Variants in LMAN2L observed in about 807,000 individuals in gnomAD.
LMAN2L encodes the protein lectin, mannose binding 2 like.
In LMAN2L, 30 loss-of-function variants were observed where a neutral mutation model predicts 44.3. The observed-to-expected ratio is 0.68, with a 90% CI of 0.51 to 0.92. The LOEUF (loss-of-function observed/expected upper bound fraction) is 0.92. Among genes scored for constraint, LMAN2L ranks in the 40% least tolerant of loss-of-function variants. The pLI is 0.00. For synonymous variants in LMAN2L, 183 were observed against 171.1 expected, an observed-to-expected ratio of 1.07 and a Z score of -0.54; for missense variants, 429 against 446.1, an observed-to-expected ratio of 0.96 and a Z score of 0.35.
At chr2:96,725,524 C>A (rs1490173053) in intron 4 of LMAN2L, among the ~76,000 whole-genome samples, 2 of 150,844 alleles carry the variant, frequency 1.3e-5, no homozygotes, top group East Asian at 4.0e-4. Context: ...CTCACTGCAA[C>A]CTCCACCTCC....
At chr2:96,733,320 A>C (rs185460460) in intron 4 of LMAN2L, among the ~76,000 whole-genome samples, 199 bp downstream of exon 4, 2 of 152,346 alleles carry the variant, frequency 1.3e-5, no homozygotes, top group Admixed American at 1.3e-4. Context: ...CCCCTGTTCA[A>C]GACAGCTATT....
chr2:96,725,228 C>T (rs976527470), intron 4 of LMAN2L, among the ~76,000 whole-genome samples: 2 of 151,834 alleles, frequency 1.3e-5, no homozygotes, highest in East Asian at 3.9e-4. Flanking sequence ...AAAATCCCTC[C>T]CCTGTTGGGA....
rs556186949 is a variant in LMAN2L at position 96,711,757 on chromosome 2, A to G, written c.683T>C (p.Ile228Thr). Residue 228 changes from isoleucine to threonine, a missense_variant, in exon 6 of 8, where the codon ATT (isoleucine) becomes ACT (threonine). Transcript: ENST00000264963. ...VKRHLTIMMDIDGKHEWRDCI... is the reference protein window; with the variant it reads ...VKRHLTIMMDTDGKHEWRDCI... ...GTCCCTCCACTCATGCTTGCCATCA[A>G]TATCCATCATTATCTAGAATAAAAA... The G allele has an allele frequency of 2.5e-6, 4 of 1,614,010 alleles. No individual in the cohort carries two copies. The highest frequency in any genetic ancestry group is 2.7e-5 in the African/African-American group (2 of 74,926).
rs1311577984 is a variant in LMAN2L at position 96,733,741 on chromosome 2, A to T, written c.425-140T>A. 1.9e-5 allele frequency: 13 copies of T among 666,782 alleles called. No individual in the cohort carries two copies. In the East Asian group the frequency reaches 3.1e-4, roughly 16 times the overall value. 41.3% of individuals were successfully genotyped at this position (666,782 alleles called of 1,614,324 possible). A position where few individuals can be genotyped will look rare whatever the true frequency, so the allele number is the denominator to read the frequency against. ...CAAGATGAGAAAACACATGTTTAAAAGTACCCAGCAAAGTGCATGGCCTGT... is the reference window on the plus strand; with the variant it reads ...CAAGATGAGAAAACACATGTTTAAATGTACCCAGCAAAGTGCATGGCCTGT... On this transcript the variant is annotated intron_variant, in intron 3 of 7. Transcript: ENST00000264963.
intron 4 of LMAN2L, among the ~76,000 whole-genome samples, chr2:96,716,461 G>A (rs1226145053): frequency 6.6e-6 from 1 of 152,186 alleles, no homozygotes; most frequent in Non-Finnish European, 1.5e-5. Context: ...CCATACCATT[G>A]TCTAGTAAGC....
At chr2:96,732,200 A>G (rs2153334520) in intron 4 of LMAN2L, among the ~76,000 whole-genome samples, 1 of 151,786 alleles carries the variant, frequency 6.6e-6, no homozygotes, top group South Asian at 2.1e-4. Flanking sequence ...ACCTTTGAGG[A>G]AAAAAATAAT....
chr2:96,733,267 C>T (rs146301789), intron 4 of LMAN2L, among the ~76,000 whole-genome samples: 1 of 152,114 alleles, frequency 6.6e-6, no homozygotes, highest in Non-Finnish European at 1.5e-5. Context: ...TAGTGGCTAT[C>T]TAATAGGCAC....
At chr2:96,717,400 C>T (rs1385209945) in intron 4 of LMAN2L, among the ~76,000 whole-genome samples, 1 of 151,900 alleles carries the variant, frequency 6.6e-6, no homozygotes, top group Non-Finnish European at 1.5e-5. Flanking sequence ...GGCTTGGTGG[C>T]ATGCACCTGT....
At chr2:96,720,048 T>A (rs776825596) in intron 4 of LMAN2L, among the ~76,000 whole-genome samples, 1 of 151,876 alleles carries the variant, frequency 6.6e-6, no homozygotes, top group African/African-American at 2.4e-5. Context: ...AAAAAAGACT[T>A]GAGGAAATGT....
At position 96,707,388 on chromosome 2, in the gene LMAN2L, T is replaced by G. The variant is rs1162810498; in HGVS notation, c.915A>C (p.Pro305=). The G allele has an allele frequency of 6.2e-7, 1 of 1,611,626 alleles. No individual in the cohort carries two copies. Among genetic ancestry groups the G allele is most frequent in the South Asian group, 1.1e-5 (1 of 90,660 alleles). The change falls in exon 8 of 8, where the codon CCA becomes CCC. Residue 305 remains proline (P), a synonymous_variant. Coordinates refer to ENST00000264963, the MANE Select transcript of LMAN2L (RefSeq NM_030805.4). ...DNMKLPEMTA[P]LPPLSGLALF... ...GGGCCAGGCCACTCAGGGGCGGCAG[T>G]GGAGCTGTCACTGAGGAAGCAAGAG...
chr2:96,707,633 G>A, intron 7 of LMAN2L, 81 bp downstream of exon 7: 1 of 1,516,412 alleles, frequency 6.6e-7, no homozygotes, highest in Non-Finnish European at 9.0e-7. Context: ...ACAGAGCAGA[G>A]ACCGCCCTGT....
At chr2:96,738,502 G>A (rs964256239) in intron 1 of LMAN2L, among the ~76,000 whole-genome samples, 1 of 151,872 alleles carries the variant, frequency 6.6e-6, no homozygotes, top group Non-Finnish European at 1.5e-5. Context: ...AACATAGAAA[G>A]ACCCTGTCTT....
At chr2:96,734,628 A>G in intron 2 of LMAN2L, 102 bp from the exon 3 acceptor site, 1 of 752,464 alleles carries the variant, frequency 1.3e-6, no homozygotes, top group Non-Finnish European at 2.4e-6. Flanking sequence ...AATGCAGGTA[A>G]CACTAGACTA....
intron 4 of LMAN2L, among the ~76,000 whole-genome samples, chr2:96,717,374 T>C (rs1362351030): frequency 1.3e-5 from 2 of 151,794 alleles, no homozygotes; most frequent in African/African-American, 2.4e-5. Context: ...ACCCCATCTC[T>C]ACAAAAAGAT....
chr2:96,717,284 A>G (rs1315444068), intron 4 of LMAN2L, among the ~76,000 whole-genome samples: 1 of 152,088 alleles, frequency 6.6e-6, no homozygotes, highest in African/African-American at 2.4e-5. Flanking sequence ...TCACACCTAT[A>G]ATCCCAGCAC....
At chr2:96,709,435 G>C (rs1490006490) in intron 6 of LMAN2L, among the ~76,000 whole-genome samples, 2 of 152,150 alleles carry the variant, frequency 1.3e-5, no homozygotes, top group Non-Finnish European at 2.9e-5. Context: ...TTGGTATTTA[G>C]AGACCACAAA....
intron 7 of LMAN2L, 78 bp from the exon 8 acceptor site, chr2:96,707,476 G>T: frequency 6.8e-7 from 1 of 1,471,516 alleles, no homozygotes; most frequent in Non-Finnish European, 9.1e-7. Context: ...AGGCTGTCCG[G>T]CCCCCAGTTT....
At chr2:96,726,673 G>A (rs1311411662) in intron 4 of LMAN2L, among the ~76,000 whole-genome samples, 3 of 151,858 alleles carry the variant, frequency 2.0e-5, no homozygotes, top group Non-Finnish European at 4.4e-5. Context: ...AATCCCAGCT[G>A]CTCAGGAGGC....
intron 4 of LMAN2L, among the ~76,000 whole-genome samples, chr2:96,713,996 A>G (rs1340259078): frequency 6.6e-6 from 1 of 152,206 alleles, no homozygotes; most frequent in Non-Finnish European, 1.5e-5. Context: ...GTGAACACCT[A>G]CTACAAGCCA....
Sources: gnomAD v4.1 joint callset for allele counts (sites outside exome capture counted in the v4.1 genomes callset) on GRCh38, gnomAD v4.1.1 for gene constraint, MANE v1.5 for transcripts, NCBI Gene and HGNC (gene_info 2026-07-23, HGNC 2026-07-21) for gene names.